SCAI: variants seen among roughly 807,000 people sequenced by gnomAD.
SCAI encodes suppressor of cancer cell invasion.
SCAI carries 24 observed loss-of-function variants against 92.2 expected under a neutral mutation model. The observed-to-expected ratio is 0.26, with a 90% confidence interval of 0.19 to 0.37. The LOEUF is 0.37. Among genes scored for constraint, SCAI ranks in the 10% least tolerant of loss-of-function variants. The pLI is 1.00. For synonymous variants in SCAI, 261 were observed against 258.6 expected, an observed-to-expected ratio of 1.01 and a Z score of -0.09; for missense variants, 450 against 736.2, an observed-to-expected ratio of 0.61 and a Z score of 4.50.
intron 2 of SCAI, among the ~76,000 whole-genome samples, chr9:125,094,583 C>A (rs1834506171): frequency 6.6e-6 from 1 of 152,208 alleles, no homozygotes; most frequent in Non-Finnish European, 1.5e-5. Flanking sequence ...CTCACTGAAG[C>A]CTCGACCTCC....
At chr9:125,093,178 T>C (rs944898730) in intron 2 of SCAI, among the ~76,000 whole-genome samples, 4 of 152,192 alleles carry the variant, frequency 2.6e-5, no homozygotes, top group Non-Finnish European at 1.5e-5. Context: ...CTGGCTAACA[T>C]GGTGAAACAC....
chr9:125,011,011 T>A (rs940416990), intron 9 of SCAI, among the ~76,000 whole-genome samples: 11 of 151,964 alleles, frequency 7.2e-5, no homozygotes, highest in African/African-American at 2.2e-4. Flanking sequence ...AGAAACAGCA[T>A]CCACACCAAA....
chr9:125,002,488 G>GTTTTTTTTTTTTTTTTTT lies in SCAI; in HGVS notation c.1066-446_1066-445insAAAAAAAAAAAAAAAAAA, dbSNP rs58586769. Among the ~76,000 whole-genome samples, 199 of 125,046 alleles carry GTTTTTTTTTTTTTTTTTT rather than the reference G, an allele frequency of 1.6e-3. 3 individuals are homozygous for GTTTTTTTTTTTTTTTTTT. Among genetic ancestry groups the GTTTTTTTTTTTTTTTTTT allele is most frequent in the Non-Finnish European group, 1.8e-3 (116 of 63,062 alleles). 82.0% of individuals were successfully genotyped at this position (125,046 alleles called of 152,430 possible). A position where few individuals can be genotyped will look rare whatever the true frequency, so the allele number is the denominator to read the frequency against. On this transcript the variant is annotated intron_variant, in intron 11 of 17. Transcript: ENST00000336505. ...ACACTCTGCTTTTGTTTTTTAGTCT[G>GTTTTTTTTTTTTTTTTTT]TTTTTTTTTTTGAAACAGAGTTTCA...
chr9:124,972,663 C>G (rs1831682744), intron 15 of SCAI, among the ~76,000 whole-genome samples: 1 of 152,202 alleles, frequency 6.6e-6, no homozygotes, highest in Non-Finnish European at 1.5e-5. Flanking sequence ...GTCAACAACT[C>G]AAAGCAAATT....
At chr9:124,968,154 C>A in intron 17 of SCAI, 1 of 547,804 alleles carries the variant, frequency 1.8e-6, no homozygotes, top group South Asian at 2.4e-5. Flanking sequence ...TAGGAGGCAA[C>A]ACGTTCTTTC....
At chr9:125,063,493 T>C (rs915969912) in intron 2 of SCAI, among the ~76,000 whole-genome samples, 3 of 151,822 alleles carry the variant, frequency 2.0e-5, no homozygotes, top group African/African-American at 7.3e-5. Flanking sequence ...TATATTTTAA[T>C]GAACTAAGTA....
In SCAI at chr9:124,948,326, T is replaced by C. The variant is rs1831184421; in HGVS notation, c.*4481A>G. 1 of 152,166 alleles carries C rather than the reference T, an allele frequency of 6.6e-6. No homozygotes were observed. Among genetic ancestry groups the C allele is most frequent in the Non-Finnish European group, 1.5e-5 (1 of 68,010 alleles). The allele number at this position is 152,166 out of a possible 1,614,324, so 9.4% of individuals were successfully genotyped here. ...TTTGGTAAAAATAAAGAGGGTACAA[T>C]AAATTCTGTGCTTTGAAAGGTTTGA... On this transcript the variant is annotated 3_prime_UTR_variant, in exon 18 of 18. Coordinates refer to ENST00000336505, the MANE Select transcript of SCAI (RefSeq NM_001144877.3).
intron 3 of SCAI, among the ~76,000 whole-genome samples, chr9:125,044,221 G>A (rs185588982): frequency 1.3e-5 from 2 of 152,260 alleles, no homozygotes; most frequent in Admixed American, 1.3e-4. Flanking sequence ...AAGGCTGCCA[G>A]TTCTGGTTGA....
At chr9:124,979,343 C>T (rs1354073035) in intron 14 of SCAI, among the ~76,000 whole-genome samples, 3 of 151,112 alleles carry the variant, frequency 2.0e-5, no homozygotes, top group African/African-American at 4.9e-5. Context: ...AATTTGAGAC[C>T]GACCTGACCA....
chr9:125,039,219 T>C (rs1833264435), intron 3 of SCAI, among the ~76,000 whole-genome samples: 2 of 151,934 alleles, frequency 1.3e-5, no homozygotes, highest in African/African-American at 2.4e-5. Context: ...ACTCCATCTC[T>C]ACTAAAAATA....
intron 14 of SCAI, among the ~76,000 whole-genome samples, chr9:124,979,852 A>G (rs1831844271): frequency 6.6e-6 from 1 of 152,022 alleles, no homozygotes; most frequent in South Asian, 2.1e-4. Context: ...GATCGAGACC[A>G]TCCTGGCTAA....
intron 17 of SCAI, among the ~76,000 whole-genome samples, chr9:124,955,511 C>A (rs1482391566): frequency 2.0e-5 from 3 of 151,792 alleles, no homozygotes; most frequent in Non-Finnish European, 4.4e-5. Context: ...ATCCCAGCTA[C>A]TTGGGAGGCT....
chr9:124,989,786 G>A (rs747944996), intron 14 of SCAI, among the ~76,000 whole-genome samples: 5 of 151,184 alleles, frequency 3.3e-5, no homozygotes, highest in Non-Finnish European at 7.4e-5. Context: ...AGCAGGCTAA[G>A]GCAGGAGAAT....
intron 2 of SCAI, among the ~76,000 whole-genome samples, chr9:125,072,639 T>C (rs78221808): frequency 2.0e-4 from 31 of 152,282 alleles, no homozygotes; most frequent in Admixed American, 1.0e-3. Context: ...TCCATCTCCA[T>C]TTTTACCTTG....
In SCAI at chr9:125,057,786, G is replaced by T. The variant is rs1437932367; in HGVS notation, c.99-1779C>A. On this transcript the variant is annotated intron_variant, in intron 2 of 17. Coordinates refer to ENST00000336505, the MANE Select transcript of SCAI (RefSeq NM_001144877.3). ...CAATGGGAGATTTGCTATATAAAGA[G>T]GGAAGGATCAAATAAGATCTATTAA... 2.0e-5 allele frequency among the ~76,000 whole-genome samples: 3 copies of T among 152,164 alleles called. No individual in the cohort carries two copies. In the East Asian group the frequency reaches 5.8e-4, roughly 29 times the overall value.
chr9:125,092,799 G>A (rs933281773), intron 2 of SCAI, among the ~76,000 whole-genome samples: 2 of 152,150 alleles, frequency 1.3e-5, no homozygotes, highest in Non-Finnish European at 2.9e-5. Flanking sequence ...TAGCCTTCAT[G>A]CTGTTTCTCT....
At chr9:125,052,507 AGGC>A (rs1833580264) in intron 3 of SCAI, among the ~76,000 whole-genome samples, 1 of 152,086 alleles carries the variant, frequency 6.6e-6, no homozygotes, top group African/African-American at 2.4e-5. Flanking sequence ...AATCGCTTGG[AGGC>A]AGGAGAATCG....
Position 125,055,966 on chromosome 9 carries a change from G to A in SCAI, c.140C>T (p.Ala47Val), listed in dbSNP as rs1833654441. 4 of 1,610,960 alleles carry A rather than the reference G, an allele frequency of 2.5e-6. No individual in the cohort carries two copies. The highest frequency in any genetic ancestry group is 3.4e-6 in the Non-Finnish European group (4 of 1,177,434). ...CTCTCCCTGTGGGATATCATCTTCA[G>A]CACCTCCAGAGGACATGATTTCTTT... The part of the protein sequence containing the change: ...ALKEIMSSGG[A>V]EDDIPQGERK... Residue 47 changes from alanine (A) to valine (V), a missense_variant, in exon 3 of 18, where the codon GCT (alanine) becomes GTT (valine). Transcript: ENST00000336505.
chr9:125,044,656 T>C (rs1833398743), intron 3 of SCAI, among the ~76,000 whole-genome samples: 1 of 152,128 alleles, frequency 6.6e-6, no homozygotes, highest in Non-Finnish European at 1.5e-5. Flanking sequence ...CAAATTCTGG[T>C]ACTCAAAAAA....
Sources: gnomAD v4.1 joint callset for allele counts (sites outside exome capture counted in the v4.1 genomes callset) on GRCh38, gnomAD v4.1.1 for gene constraint, MANE v1.5 for transcripts, NCBI Gene and HGNC (gene_info 2026-07-23, HGNC 2026-07-21) for gene names.